The following PDE7B variants were observed in gnomAD, a reference collection of about 807,000 sequenced individuals.
PDE7B encodes phosphodiesterase 7B, also known as 3',5'-cyclic-AMP phosphodiesterase 7B.
Under a neutral mutation model 56.2 loss-of-function variants are expected in PDE7B, and 29 were observed. The observed-to-expected ratio is 0.52, with a 90% CI of 0.38 to 0.70. The LOEUF is 0.70. PDE7B is among the 30% of genes least tolerant of loss of function. The probability of loss-of-function intolerance (pLI) is 0.00; values close to 1 mark genes in which losing one functional copy is unlikely to be tolerated. For synonymous variants in PDE7B, 197 were observed against 196.9 expected, an observed-to-expected ratio of 1.00 and a Z score of 0.00; for missense variants, 490 against 565.0, an observed-to-expected ratio of 0.87 and a Z score of 1.35.
intron 1 of PDE7B, among the ~76,000 whole-genome samples, chr6:135,894,453 A>G (rs1349199380): frequency 1.3e-5 from 2 of 152,182 alleles, no homozygotes; most frequent in Non-Finnish European, 2.9e-5. Flanking sequence ...CAGGAAAGCC[A>G]TAATAACAAG....
At position 136,179,027 on chromosome 6, in the gene PDE7B, G is replaced by A. The variant is rs1231739912; in HGVS notation, c.834G>A (p.Leu278=). Residue 278 remains leucine (L), a synonymous_variant, in exon 10 of 13, where the codon TTG becomes TTA. Coordinates refer to ENST00000308191, the MANE Select transcript of PDE7B (RefSeq NM_018945.4). ...TQDIEQQLGS[L]ILATDINRQN... ...ATATTGAACAGCAGCTGGGCTCCTTGATCTTGGCAACAGACATCAACAGGC... is the reference window on the plus strand; with the variant it reads ...ATATTGAACAGCAGCTGGGCTCCTTAATCTTGGCAACAGACATCAACAGGC... The A allele has an allele frequency of 6.2e-7, 1 of 1,614,170 alleles. No homozygotes were observed. Among genetic ancestry groups the A allele is most frequent in the South Asian group, 1.1e-5 (1 of 91,076 alleles).
chr6:136,014,701 A>G (rs2128207488), intron 2 of PDE7B, among the ~76,000 whole-genome samples: 1 of 152,330 alleles, frequency 6.6e-6, no homozygotes, highest in East Asian at 1.9e-4. Flanking sequence ...TAGAAACAGA[A>G]CTGGGGTTCT....
intron 1 of PDE7B, among the ~76,000 whole-genome samples, chr6:135,852,538 AC>A (rs919182951): frequency 6.6e-6 from 1 of 152,152 alleles, no homozygotes; most frequent in Non-Finnish European, 1.5e-5. Context: ...TGATAGTGAG[AC>A]TGAAGGTAGA....
chr6:136,069,908 A>G (rs1457660280), intron 2 of PDE7B, among the ~76,000 whole-genome samples: 1 of 152,172 alleles, frequency 6.6e-6, no homozygotes, highest in Non-Finnish European at 1.5e-5. Context: ...ACTATCTCTA[A>G]TCCGAGTCAT....
intron 2 of PDE7B, among the ~76,000 whole-genome samples, chr6:136,056,512 CTTTTTTTTTTTTTTTTTTTTTTTTTTT>C (rs542232291): frequency 3.7e-5 from 2 of 53,904 alleles, no homozygotes; most frequent in Admixed American, 5.5e-4. Flanking sequence ...AGATAGAATC[CTTTTTTTTTTTTTTTTTTTTTTTTTTT>C]TTTTTTTTTT....
chr6:135,854,793 G>A (rs1774995776), intron 1 of PDE7B, among the ~76,000 whole-genome samples: 1 of 152,156 alleles, frequency 6.6e-6, no homozygotes, highest in Non-Finnish European at 1.5e-5. Flanking sequence ...CTTTAATGTG[G>A]TTTACATGCA....
At chr6:136,180,464 T>C (rs1353968645) in intron 10 of PDE7B, among the ~76,000 whole-genome samples, 1 of 152,176 alleles carries the variant, frequency 6.6e-6, no homozygotes, top group Admixed American at 6.5e-5. Context: ...GAAATAAATA[T>C]AAACAACTAA....
intron 1 of PDE7B, among the ~76,000 whole-genome samples, chr6:135,904,123 G>A (rs1776054850): frequency 6.6e-6 from 1 of 152,178 alleles, no homozygotes; most frequent in Admixed American, 6.6e-5. Flanking sequence ...CAGGGAATGG[G>A]CAAGAAATTG....
At chr6:136,011,267 T>C (rs1481042473) in intron 2 of PDE7B, among the ~76,000 whole-genome samples, 2 of 152,182 alleles carry the variant, frequency 1.3e-5, no homozygotes, top group Non-Finnish European at 2.9e-5. Flanking sequence ...GGTATCAGGC[T>C]GCTCTCTTAT....
Position 136,154,121 on chromosome 6 carries a change from T to C in PDE7B, c.525T>C (p.Ala175=), listed in dbSNP as rs1020365270. The change falls in exon 7 of 13, where the codon GCT becomes GCC. Residue 175 remains alanine, a synonymous_variant. Coordinates refer to ENST00000308191, the MANE Select transcript of PDE7B (RefSeq NM_018945.4). ...DYHSQNPYHN[A]VHAADVTQAM... is the part of the protein sequence containing the mutation. ...ACAGCCAAAACCCGTATCACAATGC[T>C]GTTCACGCAGCCGACGTCACCCAGG... The C allele has an allele frequency of 1.9e-6, 3 of 1,613,880 alleles. No individual in the cohort carries two copies. Among genetic ancestry groups the C allele is most frequent in the Non-Finnish European group, 2.5e-6 (3 of 1,179,968 alleles).
chr6:135,903,122 G>C lies in PDE7B; in HGVS notation c.22-44342G>C, dbSNP rs533312952. ...AGGCTCTGAGTAGAGTCAGTTACTA[G>C]GTAATGTGGAATAATGACATGGGAA... On this transcript the variant is annotated intron_variant, in intron 1 of 12. Transcript: ENST00000308191. Among the ~76,000 whole-genome samples, 320 of 152,226 alleles carry C rather than the reference G, an allele frequency of 2.1e-3. 2 individuals carry two copies. The highest frequency in any genetic ancestry group is 7.2e-3 in the African/African-American group (301 of 41,528).
At chr6:135,895,611 A>C (rs533133058) in intron 1 of PDE7B, among the ~76,000 whole-genome samples, 1 of 152,288 alleles carries the variant, frequency 6.6e-6, no homozygotes, top group East Asian at 1.9e-4. Flanking sequence ...ATGTGCTTGC[A>C]GGCAAAAACA....
At chr6:136,043,672 T>C (rs751736024) in intron 2 of PDE7B, among the ~76,000 whole-genome samples, 1 of 152,110 alleles carries the variant, frequency 6.6e-6, no homozygotes, top group Non-Finnish European at 1.5e-5. Flanking sequence ...TTGGTGTTAT[T>C]TTTCTCAACA....
At chr6:136,116,864 A>G (rs1777839625) in intron 3 of PDE7B, among the ~76,000 whole-genome samples, 1 of 152,316 alleles carries the variant, frequency 6.6e-6, no homozygotes, top group Non-Finnish European at 1.5e-5. Context: ...TTTAGTTTAT[A>G]ATAAGCTTGA....
At chr6:135,891,097 G>T (rs927575245) in intron 1 of PDE7B, among the ~76,000 whole-genome samples, 2 of 152,200 alleles carry the variant, frequency 1.3e-5, no homozygotes, top group African/African-American at 4.8e-5. Flanking sequence ...CATTCTTCAA[G>T]TGAGGCTGCA....
At chr6:136,066,993 C>A (rs1562484644) in intron 2 of PDE7B, among the ~76,000 whole-genome samples, 1 of 151,896 alleles carries the variant, frequency 6.6e-6, no homozygotes, top group Non-Finnish European at 1.5e-5. Flanking sequence ...GTAGATGGAA[C>A]CACAGGTGTA....
intron 2 of PDE7B, among the ~76,000 whole-genome samples, chr6:136,094,402 A>G (rs1777440532): frequency 6.6e-6 from 1 of 152,130 alleles, no homozygotes; most frequent in Admixed American, 6.5e-5. Context: ...CTGTTTCCAG[A>G]AAGTACCAGG....
chr6:136,151,188 C>A lies in PDE7B; in HGVS notation c.411C>A (p.His137Gln), dbSNP rs1455911726. Residue 137 changes from histidine (H) to glutamine (Q), a missense_variant, in exon 6 of 13, where the codon CAC (histidine) becomes CAA (glutamine). His to Gln is a conservative substitution (Grantham distance 24, BLOSUM62 0). Coordinates refer to ENST00000308191, the MANE Select transcript of PDE7B (RefSeq NM_018945.4). ...NGNSLVTLLC[H>Q]LFNTHGLIHH... ...ACAGCCTGGTAACACTGTTGTGCCA[C>A]CTCTTCAATACCCATGGACTCATTC... The A allele has an allele frequency of 5.6e-6, 9 of 1,610,990 alleles. No individual in the cohort carries two copies. The highest frequency in any genetic ancestry group is 7.6e-6 in the Non-Finnish European group (9 of 1,177,360).
chr6:135,910,961 A>G (rs796633809), intron 1 of PDE7B, among the ~76,000 whole-genome samples: 14 of 152,344 alleles, frequency 9.2e-5, no homozygotes, highest in African/African-American at 3.1e-4. Flanking sequence ...TCTCAGAAGC[A>G]TGACTAAGAA....
Sources: allele counts gnomAD v4.1 joint callset (sites outside exome capture counted in the v4.1 genomes callset), GRCh38; gene constraint gnomAD v4.1.1; transcripts MANE v1.5; gene names NCBI Gene and HGNC (gene_info 2026-07-23, HGNC 2026-07-21).